ERCC6: variants seen among roughly 807,000 people sequenced by gnomAD.
ERCC6 encodes the protein DNA excision repair protein ERCC-6.
A neutral mutation model predicts 158.7 loss-of-function variants in ERCC6; 116 were observed. The ratio of observed to expected loss-of-function variants is 0.73; its 90% CI spans 0.63 to 0.85. ERCC6 has a LOEUF of 0.85. Among genes scored for constraint, ERCC6 ranks in the 40% least tolerant of loss-of-function variants. The pLI, the probability that ERCC6 is intolerant of heterozygous loss-of-function variation, is 0.00. For synonymous variants in ERCC6, 678 were observed against 659.3 expected (o/e 1.03, Z -0.43); for missense variants, 1,698 against 1,799.4 (o/e 0.94, Z 1.02).
rs34704611 is a variant in ERCC6, at chr10:49,470,301, G to A, written c.3659C>T (p.Thr1220Ile). 1.5e-3 allele frequency: 2,450 copies of A among 1,614,080 alleles called. 33 individuals are homozygous for A. In the African/African-American group the frequency reaches 0.029, roughly 19 times the overall value. Residue 1220 changes from threonine (T) to isoleucine (I), a missense_variant, in exon 18 of 21, where the codon ACT becomes ATT. By Grantham distance (89) the Thr-to-Ile change is moderately conservative. Coordinates refer to ENST00000355832, the MANE Select transcript of ERCC6 (RefSeq NM_000124.4). The stretch of plus-strand genomic sequence containing the variant: ...TTTCTTCACCAGGTGTGGAATTCGA[G>A]TTCCTTCAAACTTGGCGTCTCTGCA... ...KHCRDAKFEGTRIPHLVKKRR... is the reference protein window; with the variant it reads ...KHCRDAKFEGIRIPHLVKKRR...
intron 10 of ERCC6, 87 bp from the exon 11 acceptor site, chr10:49,478,557 A>G: frequency 4.9e-6 from 4 of 811,064 alleles, no homozygotes; most frequent in Non-Finnish European, 8.5e-6. Flanking sequence ...CATTCCTTAA[A>G]AAAAAAAAAA....
At chr10:49,539,410 T>TG (rs1353613897), upstream of ERCC6, 1 of 152,300 alleles carries the variant, frequency 6.6e-6, no homozygotes, top group African/African-American at 2.4e-5. Context: ...AAAGTCAGCT[T>TG]GGGCAGGGAA....
intron 4 of ERCC6, among the ~76,000 whole-genome samples, chr10:49,526,096 TATTTATATATTTATATATTTTTATATATA>T (rs1837316505): frequency 9.6e-6 from 1 of 103,956 alleles, no homozygotes. Context: ...TATATTTATA[TATTTATATATTTATATATTTTTATATATA>T]TATATATATA....
chr10:49,438,137 A>G, the ERCC6 span, among the ~76,000 whole-genome samples: 1 of 152,184 alleles, frequency 6.6e-6, no homozygotes. Context: ...TCCAGTGTGG[A>G]CCCCAGGGAC....
chr10:49,531,064 C>T (rs554218268), intron 2 of ERCC6, among the ~76,000 whole-genome samples: 18 of 152,266 alleles, frequency 1.2e-4, no homozygotes, highest in Admixed American at 3.9e-4. Flanking sequence ...TGATTTAGAT[C>T]AGCTCATTCC....
At chr10:49,515,694 C>G (rs749872255) in intron 5 of ERCC6, 1 of 1,613,932 alleles carries the variant, frequency 6.2e-7, no homozygotes, top group Non-Finnish European at 8.5e-7. Context: ...GATTGATGCC[C>G]GATACTTATC....
intron 5 of ERCC6, chr10:49,515,785 T>G (rs1352785889): frequency 6.2e-7 from 1 of 1,614,178 alleles, no homozygotes; most frequent in Non-Finnish European, 8.5e-7. Context: ...ACTTGTATCT[T>G]CTTTTTCAGT....
chr10:49,475,085 CATT>C (rs2132542996), intron 12 of ERCC6, among the ~76,000 whole-genome samples: 1 of 152,310 alleles, frequency 6.6e-6, no homozygotes, highest in African/African-American at 2.4e-5. Context: ...ATCCGTGACT[CATT>C]CTTCTTCCTT....
the ERCC6 span, among the ~76,000 whole-genome samples, chr10:49,447,845 C>T: frequency 0.012 from 1,889 of 152,074 alleles, 36 homozygotes; most frequent in African/African-American, 0.043. Flanking sequence ...ATGTTATCTT[C>T]TGTGTCATCC....
intron 7 of ERCC6, among the ~76,000 whole-genome samples, chr10:49,496,820 A>G (rs1851275164): frequency 1.3e-5 from 2 of 152,220 alleles, no homozygotes; most frequent in Non-Finnish European, 2.9e-5. Flanking sequence ...GAACAAACAA[A>G]CAAACAAACA....
At chr10:49,501,033 G>GA (rs935594355) in intron 6 of ERCC6, 49 of 252,248 alleles carry the variant, frequency 1.9e-4, no homozygotes, top group African/African-American at 5.9e-4. Context: ...CTTTCTGGGG[G>GA]AAAAAATCCC....
At chr10:49,512,682 C>T (rs1416912225) in intron 5 of ERCC6, among the ~76,000 whole-genome samples, 1 of 152,226 alleles carries the variant, frequency 6.6e-6, no homozygotes, top group African/African-American at 2.4e-5. Context: ...TGCATATACA[C>T]AATGAGATAT....
Position 49,461,529 on chromosome 10 carries a change from T to G in ERCC6, c.3806A>C (p.Asp1269Ala), listed in dbSNP as rs757218885. The change falls in exon 19 of 21, where the codon GAT becomes GCT. Residue 1269 changes from aspartate to alanine, a missense_variant. Physicochemically the swap from Asp to Ala is moderately radical, Grantham distance 126. Transcript: ENST00000355832. ...SVGVHSVMKH[D>A]AIMDGASPDY... ...TGGGCTGGCTCCATCCATGATGGCA[T>G]CGTGCTTCATGACACTGTGCACGCC... The G allele has an allele frequency of 1.9e-5, 30 of 1,613,928 alleles. No individual in the cohort carries two copies. Among genetic ancestry groups the G allele is most frequent in the Non-Finnish European group, 2.5e-5 (29 of 1,179,980 alleles).
intron 7 of ERCC6, 21 bp downstream of exon 7, chr10:49,500,513 TGACA>T (rs1393654321): frequency 1.2e-6 from 2 of 1,612,522 alleles, no homozygotes; most frequent in Non-Finnish European, 1.7e-6. Context: ...CTCCACAGAC[TGACA>T]GTCTGCAGAG....
chr10:49,466,846 G>A (rs1019088562), intron 18 of ERCC6, among the ~76,000 whole-genome samples: 10 of 152,178 alleles, frequency 6.6e-5, no homozygotes, highest in Non-Finnish European at 1.5e-5. Context: ...GAGTACAATG[G>A]TGTGATCTCG....
At chr10:49,483,645 T>A (rs1590418505) in intron 8 of ERCC6, 129 bp from the exon 9 acceptor site, 1 of 925,376 alleles carries the variant, frequency 1.1e-6, no homozygotes, top group East Asian at 2.6e-5. Flanking sequence ...ACAGACATTA[T>A]CAGCACTGGA....
chr10:49,464,956 A>G (rs979673816), intron 18 of ERCC6, among the ~76,000 whole-genome samples: 1 of 152,224 alleles, frequency 6.6e-6, no homozygotes, highest in Non-Finnish European at 1.5e-5. Context: ...GTCCCCACAC[A>G]GAGTCCCTAC....
chr10:49,446,012 C>A, the ERCC6 span, among the ~76,000 whole-genome samples: 1 of 152,082 alleles, frequency 6.6e-6, no homozygotes, highest in Non-Finnish European at 1.5e-5. Flanking sequence ...TATCTCACCC[C>A]ACCTCTACAC....
intron 6 of ERCC6, chr10:49,505,676 T>C (rs1359636010): frequency 3.3e-6 from 2 of 601,692 alleles, no homozygotes; most frequent in Admixed American, 3.0e-5. Context: ...TTTACAAACA[T>C]ACCCAATGCA....
Sources: gnomAD v4.1 joint callset for allele counts (sites outside exome capture counted in the v4.1 genomes callset) on GRCh38, gnomAD v4.1.1 for gene constraint, MANE v1.5 for transcripts, NCBI Gene and HGNC (gene_info 2026-07-23, HGNC 2026-07-21) for gene names.